The following ADARB2 variants were observed in gnomAD, a reference collection of about 807,000 sequenced individuals.
ADARB2 encodes inactive double-stranded RNA-specific editase B2.
ADARB2 carries 25 observed loss-of-function variants against 62.2 expected under a neutral mutation model. The observed-to-expected ratio is 0.40, with a 90% CI of 0.29 to 0.56. The LOEUF is 0.56. Among genes scored for constraint, ADARB2 ranks in the 20% least tolerant of loss-of-function variants. The probability of loss-of-function intolerance (pLI) is 0.43; values close to 1 mark genes in which losing one functional copy is unlikely to be tolerated. For synonymous variants in ADARB2, 572 were observed against 500.8 expected (o/e 1.14, Z -1.90); for missense variants, 1,071 against 1,077.4 (o/e 0.99, Z 0.08).
At chr10:1,385,223 C>G (rs534499003) in intron 1 of ADARB2, among the ~76,000 whole-genome samples, 1 of 151,896 alleles carries the variant, frequency 6.6e-6, no homozygotes, top group African/African-American at 2.4e-5. Context: ...CAAAGCCCAG[C>G]AAATAATGAT....
At chr10:1,202,794 C>T (rs564584393) in intron 7 of ADARB2, among the ~76,000 whole-genome samples, 60 of 152,302 alleles carry the variant, frequency 3.9e-4, no homozygotes, top group African/African-American at 1.3e-3. Context: ...AAATAAGCCA[C>T]GAGTTAAAAA....
chr10:1,635,119 A>G (rs901800362), intron 1 of ADARB2, among the ~76,000 whole-genome samples: 6 of 152,250 alleles, frequency 3.9e-5, no homozygotes, highest in African/African-American at 1.4e-4. Flanking sequence ...CATTTTTACA[A>G]TTCCAAATGT....
At chr10:1,633,929 C>T (rs755515948) in intron 1 of ADARB2, among the ~76,000 whole-genome samples, 4 of 152,152 alleles carry the variant, frequency 2.6e-5, no homozygotes, top group South Asian at 4.1e-4. Flanking sequence ...CCAGGCGACC[C>T]GCCATCCTAC....
chr10:1,714,778 G>A (rs1195286457), intron 1 of ADARB2, among the ~76,000 whole-genome samples: 1 of 152,192 alleles, frequency 6.6e-6, no homozygotes, highest in East Asian at 1.9e-4. Context: ...TTTTATAGCT[G>A]ATTCTCACTG....
chr10:1,587,297 G>A (rs1833193949), intron 1 of ADARB2, among the ~76,000 whole-genome samples: 1 of 152,204 alleles, frequency 6.6e-6, no homozygotes, highest in Admixed American at 6.5e-5. Context: ...GCGTCCGGGG[G>A]CCCTTTAGAG....
chr10:1,316,769 T>C (rs1201674125), intron 3 of ADARB2, among the ~76,000 whole-genome samples: 1 of 152,208 alleles, frequency 6.6e-6, no homozygotes, highest in Non-Finnish European at 1.5e-5. Flanking sequence ...TTAATGAAAA[T>C]GCCATTTGGC....
chr10:1,550,586 T>C (rs1427494636), intron 1 of ADARB2, among the ~76,000 whole-genome samples: 9 of 152,198 alleles, frequency 5.9e-5, no homozygotes, highest in African/African-American at 2.2e-4. Context: ...GGCATGAACC[T>C]CAGGCCCCTT....
intron 1 of ADARB2, among the ~76,000 whole-genome samples, chr10:1,540,059 GAC>G (rs1832395673): frequency 6.6e-6 from 1 of 152,132 alleles, no homozygotes; most frequent in South Asian, 2.1e-4. Context: ...AGGTGTAAGA[GAC>G]AGTTTGGATT....
intron 8 of ADARB2, among the ~76,000 whole-genome samples, chr10:1,198,304 A>G (rs1375947071): frequency 6.6e-6 from 1 of 152,226 alleles, no homozygotes; most frequent in African/African-American, 2.4e-5. Flanking sequence ...CTTCTAAGGC[A>G]GTTCTGCAAA....
intron 3 of ADARB2, among the ~76,000 whole-genome samples, chr10:1,283,969 A>G (rs1831391154): frequency 6.6e-6 from 1 of 152,240 alleles, no homozygotes; most frequent in Admixed American, 6.5e-5. Context: ...TGGGATAAGA[A>G]CAAAGAGTAG....
chr10:1,629,805 G>A (rs559790385), intron 1 of ADARB2, among the ~76,000 whole-genome samples: 2 of 152,212 alleles, frequency 1.3e-5, no homozygotes, highest in South Asian at 4.2e-4. Flanking sequence ...TTACACAACA[G>A]CCTTGCACAT....
At chr10:1,725,650 G>T (rs1387724154) in intron 1 of ADARB2, among the ~76,000 whole-genome samples, 1 of 152,258 alleles carries the variant, frequency 6.6e-6, no homozygotes, top group African/African-American at 2.4e-5. Flanking sequence ...AGAGCAGGGA[G>T]CAAAGACATT....
chr10:1,440,882 G>A (rs1830897369), intron 1 of ADARB2, among the ~76,000 whole-genome samples: 1 of 152,210 alleles, frequency 6.6e-6, no homozygotes, highest in African/African-American at 2.4e-5. Context: ...CTTAGCCAAG[G>A]TGCTCACAGA....
At chr10:1,636,158 G>A (rs1833915288) in intron 1 of ADARB2, among the ~76,000 whole-genome samples, 1 of 152,124 alleles carries the variant, frequency 6.6e-6, no homozygotes, top group Admixed American at 6.6e-5. Flanking sequence ...GTTGAGGGGG[G>A]TGCAAGACAT....
chr10:1,590,569 C>G (rs1028600186), intron 1 of ADARB2, among the ~76,000 whole-genome samples: 5 of 152,192 alleles, frequency 3.3e-5, no homozygotes, highest in African/African-American at 1.2e-4. Context: ...ATCGTGGTTC[C>G]CCTCTGGCCG....
intron 7 of ADARB2, among the ~76,000 whole-genome samples, chr10:1,207,219 C>T (rs773925774): frequency 5.3e-5 from 8 of 152,128 alleles, no homozygotes; most frequent in Non-Finnish European, 7.4e-5. Context: ...TGGTGGTGTA[C>T]GCCTGTAATC....
intron 7 of ADARB2, among the ~76,000 whole-genome samples, chr10:1,210,943 T>A (rs1338155736): frequency 2.6e-5 from 4 of 152,134 alleles, no homozygotes; most frequent in African/African-American, 9.7e-5. Context: ...AGCTAGCACC[T>A]GGGCAACGCG....
rs140568424 is a variant in ADARB2, at chr10:1,297,845, G to T, written c.1078-26776C>A. Among the ~76,000 whole-genome samples, 14 of 152,334 alleles carry T rather than the reference G, an allele frequency of 9.2e-5. No individual in the cohort carries two copies. The East Asian group carries it at 2.7e-3, about 29-fold the overall frequency. ...GGCTGGAGGGATGCAGCCGCAGCCCGGGGCAGAGGATCCCCAGCCATGGCT... is the reference window on the plus strand; with the variant it reads ...GGCTGGAGGGATGCAGCCGCAGCCCTGGGCAGAGGATCCCCAGCCATGGCT... On this transcript the variant is annotated intron_variant, in intron 3 of 9. Coordinates refer to ENST00000381312, the MANE Select transcript of ADARB2 (RefSeq NM_018702.4).
chr10:1,207,610 G>C (rs533497966), intron 7 of ADARB2, among the ~76,000 whole-genome samples: 42 of 152,320 alleles, frequency 2.8e-4, no homozygotes, highest in Admixed American at 1.3e-4. Flanking sequence ...TCTCTAGGTG[G>C]GGGGAGACGG....
Sources: gnomAD v4.1 joint callset for allele counts (sites outside exome capture counted in the v4.1 genomes callset) on GRCh38, gnomAD v4.1.1 for gene constraint, MANE v1.5 for transcripts, NCBI Gene and HGNC (gene_info 2026-07-23, HGNC 2026-07-21) for gene names.